The following GAS7 variants were observed in gnomAD, a reference collection of about 807,000 sequenced individuals.
GAS7 encodes growth arrest-specific protein 7.
GAS7 carries 28 observed loss-of-function variants against 71.1 expected under a neutral mutation model. The ratio of observed to expected loss-of-function variants is 0.39; its 90% CI spans 0.29 to 0.54. The LOEUF (loss-of-function observed/expected upper bound fraction) is 0.54, where lower values mean the gene tolerates loss of function less well. Ranked by LOEUF, GAS7 falls within the 20% of genes least tolerant of loss-of-function variation. The pLI, the probability that GAS7 is intolerant of heterozygous loss-of-function variation, is 0.62. For missense variants in GAS7, 436 were observed against 627.8 expected, an observed-to-expected ratio of 0.69 and a Z score of 3.27; for synonymous variants, 258 against 245.8, an observed-to-expected ratio of 1.05 and a Z score of -0.46.
intron 1 of GAS7, among the ~76,000 whole-genome samples, chr17:10,113,088 G>C (rs1190318418): frequency 6.6e-6 from 1 of 152,098 alleles, no homozygotes; most frequent in African/African-American, 2.4e-5. Flanking sequence ...TGCCTGCATG[G>C]GAGGCTGCAA....
At chr17:9,988,749 T>A (rs939385888) in intron 2 of GAS7, among the ~76,000 whole-genome samples, 1 of 151,994 alleles carries the variant, frequency 6.6e-6, no homozygotes, top group African/African-American at 2.4e-5. Flanking sequence ...AAGAAACTAC[T>A]CTCTGAAGAA....
At chr17:10,168,439 C>G (rs964882421) in intron 1 of GAS7, among the ~76,000 whole-genome samples, 1 of 152,096 alleles carries the variant, frequency 6.6e-6, no homozygotes, top group African/African-American at 2.4e-5. Context: ...TCATTACTGC[C>G]CTCTCTAAGG....
intron 4 of GAS7, among the ~76,000 whole-genome samples, chr17:9,963,304 T>C (rs1171505622): frequency 6.6e-6 from 1 of 152,210 alleles, no homozygotes; most frequent in Non-Finnish European, 1.5e-5. Flanking sequence ...GATTAGGGGC[T>C]GCCTAAGTCT....
At chr17:10,012,600 T>A (rs1425949044) in intron 2 of GAS7, among the ~76,000 whole-genome samples, 2 of 152,124 alleles carry the variant, frequency 1.3e-5, no homozygotes, top group Admixed American at 6.5e-5. Context: ...CTTTCAATCA[T>A]AAATGGAGCA....
At chr17:10,065,517 T>G (rs1284831080) in intron 1 of GAS7, among the ~76,000 whole-genome samples, 1 of 152,166 alleles carries the variant, frequency 6.6e-6, no homozygotes, top group Non-Finnish European at 1.5e-5. Context: ...GCTGCATCAC[T>G]CAAATCCTAC....
At chr17:10,126,906 G>C (rs1178678075) in intron 1 of GAS7, among the ~76,000 whole-genome samples, 2 of 152,196 alleles carry the variant, frequency 1.3e-5, no homozygotes, top group African/African-American at 4.8e-5. Context: ...TTGGGTCTCT[G>C]TTTCTTCCCC....
intron 1 of GAS7, among the ~76,000 whole-genome samples, chr17:10,106,281 C>T (rs990327891): frequency 2.0e-5 from 3 of 152,280 alleles, no homozygotes. Context: ...CCAGGTGTGG[C>T]TCGGGTGGCG....
At chr17:10,178,702 CTTTTTTTTTTTTTTTTTTTTT>C (rs397857157) in intron 1 of GAS7, among the ~76,000 whole-genome samples, 1 of 34,534 alleles carries the variant, frequency 2.9e-5, no homozygotes, top group Non-Finnish European at 5.0e-5. Flanking sequence ...CCCCCACCAC[CTTTTTTTTTTTTTTTTTTTTT>C]TTTTTTTTTT....
rs1374039161 is a variant in GAS7 at position 9,914,183 on chromosome 17, G to A, written c.*3045C>T. Reference sequence around the variant, plus strand: ...GTCTTAATTCACTGGCAATTTCATAGCCTCACTGGTTACCCTTGAGCTTCA... The same window carrying A: ...GTCTTAATTCACTGGCAATTTCATAACCTCACTGGTTACCCTTGAGCTTCA... On this transcript the variant is annotated 3_prime_UTR_variant, in exon 14 of 14. Transcript: ENST00000432992. The A allele has an allele frequency of 9.1e-6, 2 of 220,930 alleles. No individual in the cohort carries two copies. Among genetic ancestry groups the A allele is most frequent in the African/African-American group, 4.5e-5 (2 of 44,580 alleles). The allele number at this position is 220,930 out of a possible 1,614,324, so 13.7% of individuals were successfully genotyped here. A position where few individuals can be genotyped will look rare whatever the true frequency, so the allele number is the denominator to read the frequency against.
At chr17:10,145,649 T>C (rs537775335) in intron 1 of GAS7, among the ~76,000 whole-genome samples, 93 of 152,302 alleles carry the variant, frequency 6.1e-4, no homozygotes, top group African/African-American at 2.2e-3. Context: ...GCAGTTCCGC[T>C]GTTTCTGCCA....
At chr17:10,072,239 T>G (rs2073347814) in intron 1 of GAS7, among the ~76,000 whole-genome samples, 1 of 152,118 alleles carries the variant, frequency 6.6e-6, no homozygotes, top group Non-Finnish European at 1.5e-5. Flanking sequence ...CGCTATTACC[T>G]GCCGGGCCCA....
At chr17:10,005,185 A>ATGTG (rs1423568672) in intron 2 of GAS7, among the ~76,000 whole-genome samples, 10 of 129,582 alleles carry the variant, frequency 7.7e-5, no homozygotes, top group South Asian at 4.8e-4. Flanking sequence ...ATGTATGTGT[A>ATGTG]TGTGCACGCA....
At chr17:10,139,397 G>C (rs1230356873) in intron 1 of GAS7, among the ~76,000 whole-genome samples, 1 of 152,186 alleles carries the variant, frequency 6.6e-6, no homozygotes, top group Non-Finnish European at 1.5e-5. Context: ...TATGTTCCTG[G>C]TTAGTATCAA....
chr17:10,103,825 C>CA lies in GAS7; in HGVS notation c.184-83929dup, dbSNP rs1256113852. Among the ~76,000 whole-genome samples the CA allele has an allele frequency of 7.2e-6, 1 of 139,044 alleles. No individual in the cohort carries two copies. The highest frequency in any genetic ancestry group is 2.7e-5 in the African/African-American group (1 of 37,438). 91.2% of individuals were successfully genotyped at this position (139,044 alleles called of 152,430 possible). A position where few individuals can be genotyped will look rare whatever the true frequency, so the allele number is the denominator to read the frequency against. On this transcript the variant is annotated intron_variant, in intron 1 of 13. Transcript: ENST00000432992. The surrounding 1 kb of genome is among the most constrained non-coding windows in gnomAD (Gnocchi z 5.5). The stretch of plus-strand genomic sequence containing the variant: ...TGGGTGACACAGCAAGACTGCATCT[C>CA]AAAAAATCTCAAAAAAAAAAAAAAA...
chr17:10,147,755 G>A (rs1337599604), intron 1 of GAS7, among the ~76,000 whole-genome samples: 1 of 152,274 alleles, frequency 6.6e-6, no homozygotes, highest in East Asian at 1.9e-4. Flanking sequence ...GTTTATCGAA[G>A]CTTCCCAAAG....
intron 1 of GAS7, among the ~76,000 whole-genome samples, chr17:10,112,457 C>T (rs910002007): frequency 2.6e-5 from 4 of 152,114 alleles, no homozygotes; most frequent in Admixed American, 2.0e-4. Flanking sequence ...GGAGTCTAGC[C>T]GGGCGCGGTG....
At chr17:9,963,046 A>AG (rs1352171587) in intron 4 of GAS7, among the ~76,000 whole-genome samples, 4 of 150,826 alleles carry the variant, frequency 2.7e-5, no homozygotes, top group African/African-American at 5.0e-5. Flanking sequence ...GATGAAAAAA[A>AG]AAAAAAAGAA....
chr17:9,941,724 G>A (rs940756330), intron 7 of GAS7, among the ~76,000 whole-genome samples: 4 of 152,182 alleles, frequency 2.6e-5, no homozygotes, highest in African/African-American at 9.7e-5. Context: ...TTTCCTATTT[G>A]CCTATTTTAT....
intron 1 of GAS7, among the ~76,000 whole-genome samples, chr17:10,092,493 A>T (rs2073594020): frequency 6.6e-6 from 1 of 152,240 alleles, no homozygotes. Context: ...GTCCATGCAG[A>T]TGTTCCCTAA....
Sources: gnomAD v4.1 joint callset for allele counts (sites outside exome capture counted in the v4.1 genomes callset) on GRCh38, gnomAD v4.1.1 for gene constraint, Gnocchi (gnomAD v3.1) non-coding constraint, MANE v1.5 for transcripts, NCBI Gene and HGNC (gene_info 2026-07-23, HGNC 2026-07-21) for gene names.